Variants in PHF19 observed in about 807,000 individuals in gnomAD.
The protein encoded by PHF19 is PHD finger protein 19.
A neutral mutation model predicts 79.8 loss-of-function variants in PHF19; 21 were observed. The observed-to-expected ratio is 0.26, with a 90% CI of 0.19 to 0.38. PHF19 has a LOEUF of 0.38. Ranked by LOEUF, PHF19 falls within the 10% of genes least tolerant of loss-of-function variation. The pLI, the probability that PHF19 is intolerant of heterozygous loss-of-function variation, is 1.00. For missense variants in PHF19, 445 were observed against 744.2 expected, an observed-to-expected ratio of 0.60 and a Z score of 4.68; for synonymous variants, 273 against 296.3, an observed-to-expected ratio of 0.92 and a Z score of 0.81.
intron 6 of PHF19, among the ~76,000 whole-genome samples, chr9:120,867,825 C>A (rs550758931): frequency 1.2e-3 from 190 of 152,312 alleles, no homozygotes; most frequent in Non-Finnish European, 1.6e-3. Flanking sequence ...GTCCTGACGG[C>A]TGAACTTCCT....
At chr9:120,901,195 C>CTTT in the PHF19 span, among the ~76,000 whole-genome samples, 1 of 150,462 alleles carries the variant, frequency 6.6e-6, no homozygotes, top group South Asian at 2.1e-4. Context: ...TACCTGATTT[C>CTTT]TTTTTTTTGT....
chr9:120,898,314 G>A (rs968192056), upstream of PHF19, among the ~76,000 whole-genome samples: 31 of 152,144 alleles, frequency 2.0e-4, no homozygotes, highest in Non-Finnish European at 4.4e-5. Flanking sequence ...ATGGGGTTTT[G>A]CCATGTTGGC....
rs1564509681 is a variant in PHF19 at position 120,874,606 on chromosome 9, C to T, written c.136G>A (p.Val46Met). 1 of 1,614,052 alleles carries T rather than the reference C, an allele frequency of 6.2e-7. No homozygotes were observed. The highest frequency in any genetic ancestry group is 8.5e-7 in the Non-Finnish European group (1 of 1,179,894). ...AGGCCATCTGTCCACCGGCACAGCA[C>T]ATACTGGCCCTCCGTCAGTTTGGAC... ...LMSKLTEGQY[V>M]LCRWTDGLYY... The change falls in exon 2 of 15, where the codon GTG (valine) becomes ATG (methionine). Residue 46 changes from valine to methionine, a missense_variant. Val to Met is a conservative substitution (Grantham distance 21). Coordinates refer to ENST00000373896, the MANE Select transcript of PHF19 (RefSeq NM_015651.3). The surrounding 1 kb of genome is among the most constrained non-coding windows in gnomAD (Gnocchi z 4.5).
At chr9:120,889,750 A>G (rs977729438) in intron 1 of PHF19, among the ~76,000 whole-genome samples, 1 of 151,816 alleles carries the variant, frequency 6.6e-6, no homozygotes, top group Non-Finnish European at 1.5e-5. Context: ...GTCTTGAAAA[A>G]AAGAAAGAGA....
intron 1 of PHF19, 69 bp downstream of exon 1, chr9:120,877,022 G>C: frequency 1.0e-6 from 1 of 985,462 alleles, no homozygotes. Context: ...GGGAGATTTC[G>C]AAAAGAGAGG....
At chr9:120,858,852 C>A (rs945080285) in intron 14 of PHF19, among the ~76,000 whole-genome samples, 1 of 151,284 alleles carries the variant, frequency 6.6e-6, no homozygotes, top group African/African-American at 2.5e-5. Flanking sequence ...CACACACACA[C>A]ACACACGGGT....
chr9:120,868,823 C>T lies in PHF19; in HGVS notation c.614+359G>A, dbSNP rs1032952489. 81 of 1,044,154 alleles carry T rather than the reference C, an allele frequency of 7.8e-5. No homozygotes were observed. The African/African-American group carries it at 1.2e-3, about 15-fold the overall frequency. The allele number at this position is 1,044,154 out of a possible 1,614,324, so 64.7% of individuals were successfully genotyped here. On this transcript the variant is annotated intron_variant, in intron 6 of 14. Coordinates refer to ENST00000373896, the MANE Select transcript of PHF19 (RefSeq NM_015651.3). The stretch of plus-strand genomic sequence containing the variant: ...CCTGCCTCACCTCCCTGGGGCCCTG[C>T]TTGGGCGGTCGCAACCCGCCAGGCC...
chr9:120,866,789 T>C lies in PHF19; in HGVS notation c.710+81A>G. On this transcript the variant is annotated intron_variant, in intron 7 of 14. Coordinates refer to ENST00000373896, the MANE Select transcript of PHF19 (RefSeq NM_015651.3). This position sits in a 1 kb window ranked among gnomAD's most constrained non-coding sequence, Gnocchi z 5.2. ...CCTCCTCTTGTCTGGAGCCTGGCAGTCAACCTGCAGGAGTTGTTGCTGCCA... is the reference window on the plus strand; with the variant it reads ...CCTCCTCTTGTCTGGAGCCTGGCAGCCAACCTGCAGGAGTTGTTGCTGCCA... The C allele has an allele frequency of 5.1e-6, 4 of 780,970 alleles. No individual in the cohort carries two copies. In the South Asian group the frequency reaches 5.6e-5, roughly 11 times the overall value. 48.4% of individuals were successfully genotyped at this position (780,970 alleles called of 1,614,324 possible).
chr9:120,887,979 C>T (rs1454902953), intron 1 of PHF19, among the ~76,000 whole-genome samples: 1 of 151,802 alleles, frequency 6.6e-6, no homozygotes, highest in Admixed American at 6.6e-5. Context: ...TCTCTTGATT[C>T]CTTGTCCTCT....
At chr9:120,890,698 C>G (rs866718853) in intron 1 of PHF19, among the ~76,000 whole-genome samples, 1 of 152,054 alleles carries the variant, frequency 6.6e-6, no homozygotes, top group Non-Finnish European at 1.5e-5. Context: ...GAGCTTTAAC[C>G]GAAGCCGCTC....
intron 1 of PHF19, among the ~76,000 whole-genome samples, chr9:120,886,374 G>A (rs2046262923): frequency 6.6e-6 from 1 of 152,244 alleles, no homozygotes; most frequent in African/African-American, 2.4e-5. Flanking sequence ...GTGGTGGCAA[G>A]TAGAGTTTGT....
At chr9:120,895,470 A>G (rs2046393386), upstream of PHF19, among the ~76,000 whole-genome samples, 10 of 125,558 alleles carry the variant, frequency 8.0e-5, no homozygotes, top group South Asian at 2.6e-3. Context: ...GTCTCAAAAG[A>G]AAAAAAAAAA....
Position 120,862,015 on chromosome 9 carries a change from C to G in PHF19, c.1131-10G>C, listed in dbSNP as rs1002228455. On this transcript the variant is annotated splice_polypyrimidine_tract_variant and intron_variant, in intron 11 of 14. Transcript: ENST00000373896. This position sits in a 1 kb window ranked among gnomAD's most constrained non-coding sequence, Gnocchi z 4.6. ...TTCGTGAGGCAACAAACTGTGGAGACAGAAGAGGGAGAAGGTGGCCCCGTC... is the reference window on the plus strand; with the variant it reads ...TTCGTGAGGCAACAAACTGTGGAGAGAGAAGAGGGAGAAGGTGGCCCCGTC... The G allele has an allele frequency of 1.2e-6, 2 of 1,607,632 alleles. No individual in the cohort carries two copies. Among genetic ancestry groups the G allele is most frequent in the Non-Finnish European group, 1.7e-6 (2 of 1,174,056 alleles).
chr9:120,858,583 G>C (rs778510256), intron 14 of PHF19, among the ~76,000 whole-genome samples: 3 of 152,082 alleles, frequency 2.0e-5, no homozygotes, highest in Non-Finnish European at 2.9e-5. Flanking sequence ...GGATTCAAAC[G>C]TAAGAACGTC....
chr9:120,874,487 ACAGC>A lies in PHF19; in HGVS notation c.186+65_186+68del, dbSNP rs2045990409. The A allele has an allele frequency of 2.3e-5, 25 of 1,072,314 alleles. 1 individual carries two copies. In the South Asian group the frequency reaches 3.5e-4, roughly 15 times the overall value. 66.4% of individuals were successfully genotyped at this position (1,072,314 alleles called of 1,614,324 possible). A position where few individuals can be genotyped will look rare whatever the true frequency, so the allele number is the denominator to read the frequency against. The stretch of plus-strand genomic sequence containing the variant: ...AGCAATCCCCCTGCCCCCTGGTCTG[ACAGC>A]CAGGCTGGAACATGAGCAGAGAGAT... On this transcript the variant is annotated intron_variant, in intron 2 of 14. Transcript: ENST00000373896. This position sits in a 1 kb window ranked among gnomAD's most constrained non-coding sequence, Gnocchi z 4.5.
In PHF19 at chr9:120,859,969, A is replaced by G. The variant is rs998833040; in HGVS notation, c.1400+121T>C. On this transcript the variant is annotated intron_variant, in intron 14 of 14. Transcript: ENST00000373896. Reference sequence around the variant, plus strand: ...GACTCACAATTGCAGAAGGCCAGGTACTCCCCGCCAGAGACTGAGACACAT... The same window carrying G: ...GACTCACAATTGCAGAAGGCCAGGTGCTCCCCGCCAGAGACTGAGACACAT... The G allele has an allele frequency of 7.5e-5, 49 of 656,526 alleles. No individual in the cohort carries two copies. The African/African-American group carries it at 8.3e-4, about 11-fold the overall frequency. The allele number at this position is 656,526 out of a possible 1,614,324, so 40.7% of individuals were successfully genotyped here.
upstream of PHF19, among the ~76,000 whole-genome samples, chr9:120,878,124 A>G (rs2046118698): frequency 6.6e-6 from 1 of 152,146 alleles, no homozygotes; most frequent in African/African-American, 2.4e-5. Context: ...AAAAGAGGAA[A>G]CCTACATGGC....
At chr9:120,872,046 A>C in intron 3 of PHF19, among the ~76,000 whole-genome samples, 1 of 140,294 alleles carries the variant, frequency 7.1e-6, no homozygotes, top group South Asian at 2.2e-4. Context: ...TCAAAAAAAA[A>C]AAAAAAAAAA....
At chr9:120,894,580 CCT>C (rs1288413590) in intron 1 of PHF19, among the ~76,000 whole-genome samples, 1 of 151,992 alleles carries the variant, frequency 6.6e-6, no homozygotes, top group Non-Finnish European at 1.5e-5. Context: ...GCGGGAGGCC[CCT>C]GATAGGGCGC....
Sources: allele counts gnomAD v4.1 joint callset (sites outside exome capture counted in the v4.1 genomes callset), GRCh38; gene constraint gnomAD v4.1.1; non-coding constraint Gnocchi (gnomAD v3.1); transcripts MANE v1.5; gene names NCBI Gene and HGNC (gene_info 2026-07-23, HGNC 2026-07-21).